The following IQCM variants were observed in gnomAD, a reference collection of about 807,000 sequenced individuals.
The protein encoded by IQCM is IQ motif containing M, also known as IQ domain-containing protein M.
Under a neutral mutation model 57.6 loss-of-function variants are expected in IQCM, and 45 were observed. The ratio of observed to expected loss-of-function variants is 0.78; its 90% CI spans 0.62 to 1.00. The LOEUF (loss-of-function observed/expected upper bound fraction) is 1.00. IQCM is among the 50% of genes least tolerant of loss of function. The pLI is 0.00. For missense variants in IQCM, 468 were observed against 511.6 expected, an observed-to-expected ratio of 0.91 and a Z score of 0.82; for synonymous variants, 148 against 158.9, an observed-to-expected ratio of 0.93 and a Z score of 0.51.
intron 5 of IQCM, among the ~76,000 whole-genome samples, chr4:149,702,388 T>C (rs1763843657): frequency 6.6e-6 from 1 of 151,696 alleles, no homozygotes; most frequent in Admixed American, 6.6e-5. Context: ...TATTAACTTA[T>C]TCTGCCCCAC....
At chr4:149,639,293 G>A (rs1361020439) in intron 7 of IQCM, among the ~76,000 whole-genome samples, 1 of 151,978 alleles carries the variant, frequency 6.6e-6, no homozygotes, top group East Asian at 1.9e-4. Context: ...GCACATGGTG[G>A]CACGCAGCTG....
intron 8 of IQCM, among the ~76,000 whole-genome samples, chr4:149,590,247 C>CTTTTTTTTTTTTTTTTTTTCT (rs1753008151): frequency 1.4e-5 from 1 of 73,630 alleles, no homozygotes; most frequent in Non-Finnish European, 2.6e-5. Flanking sequence ...TTTTTCTTTC[C>CTTTTTTTTTTTTTTTTTTTCT]TTTTTTTTTT....
intron 7 of IQCM, among the ~76,000 whole-genome samples, chr4:149,648,049 G>A (rs984768898): frequency 1.3e-5 from 2 of 151,872 alleles, no homozygotes; most frequent in African/African-American, 4.8e-5. Context: ...ATTTTTTCTA[G>A]AATTTCTGCT....
chr4:149,586,402 C>G (rs1453839310), intron 9 of IQCM, among the ~76,000 whole-genome samples: 1 of 151,482 alleles, frequency 6.6e-6, no homozygotes, highest in Non-Finnish European at 1.5e-5. Flanking sequence ...AAGTTATTTA[C>G]ATATTATTTT....
intron 10 of IQCM, 137 bp from the exon 11 acceptor site, chr4:149,553,424 A>G (rs1406165798): frequency 3.6e-6 from 2 of 560,572 alleles, no homozygotes. Context: ...TTGGCTAAAT[A>G]TACGCATTGT....
At chr4:149,376,676 G>A (rs1317141615) in intron 13 of IQCM, among the ~76,000 whole-genome samples, 1 of 152,090 alleles carries the variant, frequency 6.6e-6, no homozygotes, top group Non-Finnish European at 1.5e-5. Flanking sequence ...ACTCTAACAT[G>A]AAACCAGATT....
chr4:149,660,513 C>T lies in IQCM; in HGVS notation c.565+21605G>A, dbSNP rs1241951174. Among the ~76,000 whole-genome samples, 5 of 152,290 alleles carry T rather than the reference C, an allele frequency of 3.3e-5. No homozygotes were observed. The East Asian group carries it at 9.7e-4, about 29-fold the overall frequency. On this transcript the variant is annotated intron_variant, in intron 7 of 13. Transcript: ENST00000636793. ...ACCCAAAGGACTATAAATCATGCTG[C>T]TACAAAGACACATGCACATGTATGT...
At chr4:149,555,497 T>C (rs755998855) in intron 10 of IQCM, among the ~76,000 whole-genome samples, 16 of 152,356 alleles carry the variant, frequency 1.1e-4, no homozygotes, top group Middle Eastern at 6.8e-3. Flanking sequence ...CCAATATACA[T>C]TTTTCAAGGG....
chr4:149,647,114 G>A (rs1375313465), intron 7 of IQCM, among the ~76,000 whole-genome samples: 1 of 151,756 alleles, frequency 6.6e-6, no homozygotes, highest in African/African-American at 2.4e-5. Flanking sequence ...TTTGAAACCC[G>A]CTGCTAGTCT....
At chr4:149,491,178 C>A (rs1742055910) in intron 12 of IQCM, among the ~76,000 whole-genome samples, 1 of 151,620 alleles carries the variant, frequency 6.6e-6, no homozygotes, top group South Asian at 2.1e-4. Flanking sequence ...TTTTAATTGA[C>A]AAAAAAATTG....
At chr4:149,541,655 C>A (rs190985200) in intron 12 of IQCM, among the ~76,000 whole-genome samples, 1 of 151,978 alleles carries the variant, frequency 6.6e-6, no homozygotes, top group African/African-American at 2.4e-5. Flanking sequence ...CTTTTAAGAT[C>A]GGCCTACAAA....
At chr4:149,446,977 T>C (rs1736581163) in intron 12 of IQCM, among the ~76,000 whole-genome samples, 1 of 151,524 alleles carries the variant, frequency 6.6e-6, no homozygotes, top group Non-Finnish European at 1.5e-5. Flanking sequence ...AGACACTGTG[T>C]TAGGTAATAG....
intron 2 of IQCM, among the ~76,000 whole-genome samples, chr4:149,812,719 T>C (rs1337547068): frequency 1.3e-5 from 2 of 152,166 alleles, no homozygotes; most frequent in East Asian, 3.8e-4. Flanking sequence ...GTGTACTTTA[T>C]TTCTGCCCTT....
At chr4:149,812,211 G>C (rs987575631) in intron 2 of IQCM, among the ~76,000 whole-genome samples, 1 of 152,024 alleles carries the variant, frequency 6.6e-6, no homozygotes, top group African/African-American at 2.4e-5. Flanking sequence ...TTTTAATTTG[G>C]AGCCATATTC....
At chr4:149,358,629 C>G (rs1365222217) in intron 13 of IQCM, among the ~76,000 whole-genome samples, 1 of 151,996 alleles carries the variant, frequency 6.6e-6, no homozygotes, top group Non-Finnish European at 1.5e-5. Flanking sequence ...TTGATAAAAA[C>G]AAGTCAAATC....
chr4:149,611,373 T>C (rs1579693355), intron 8 of IQCM, among the ~76,000 whole-genome samples: 1 of 152,110 alleles, frequency 6.6e-6, no homozygotes, highest in Non-Finnish European at 1.5e-5. Context: ...GTCAAAGACG[T>C]AGCTGCACTT....
At chr4:149,744,253 C>T (rs997850519) in intron 2 of IQCM, among the ~76,000 whole-genome samples, 1 of 152,148 alleles carries the variant, frequency 6.6e-6, no homozygotes, top group African/African-American at 2.4e-5. Flanking sequence ...AGAACATGTA[C>T]CTTGTCTGCC....
At chr4:149,741,794 G>A (rs1438279204) in intron 3 of IQCM, among the ~76,000 whole-genome samples, 1 of 152,128 alleles carries the variant, frequency 6.6e-6, no homozygotes. Flanking sequence ...GAAAGTTGCT[G>A]AGAGAAATCT....
intron 9 of IQCM, among the ~76,000 whole-genome samples, chr4:149,583,278 C>T (rs976345459): frequency 3.3e-5 from 5 of 151,446 alleles, no homozygotes; most frequent in Non-Finnish European, 1.5e-5. Context: ...AAACAGTACA[C>T]TTACTTCATA....
Sources: allele counts gnomAD v4.1 joint callset (sites outside exome capture counted in the v4.1 genomes callset), GRCh38; gene constraint gnomAD v4.1.1; transcripts MANE v1.5; gene names NCBI Gene and HGNC (gene_info 2026-07-23, HGNC 2026-07-21).